The following TGFBR2 variants were observed in gnomAD, a reference collection of about 807,000 sequenced individuals.
TGFBR2 encodes TGF-beta receptor type-2.
Under a neutral mutation model 49.0 loss-of-function variants are expected in TGFBR2, and 18 were observed. That is an observed-to-expected ratio of 0.37 (90% CI 0.25 to 0.54). The LOEUF is 0.54. TGFBR2 is among the 20% of genes least tolerant of loss of function. TGFBR2 has a pLI of 0.85. For missense variants in TGFBR2, 525 were observed against 722.6 expected (o/e 0.73, Z 3.13); for synonymous variants, 282 against 275.9 (o/e 1.02, Z -0.22).
intron 5 of TGFBR2, among the ~76,000 whole-genome samples, chr3:30,675,819 A>G (rs899122320): frequency 1.8e-4 from 28 of 152,250 alleles, no homozygotes; most frequent in African/African-American, 6.8e-4. Flanking sequence ...TAGTATGGCT[A>G]TCAAAAACAG....
chr3:30,650,182 T>A, intron 2 of TGFBR2, 88 bp from the exon 3 acceptor site: 1 of 1,311,980 alleles, frequency 7.6e-7, no homozygotes, highest in Admixed American at 1.7e-5. Flanking sequence ...TATTCCAGAT[T>A]GCCTTTCTGT....
intron 1 of TGFBR2, among the ~76,000 whole-genome samples, chr3:30,636,311 A>T (rs992198366): frequency 6.6e-6 from 1 of 152,104 alleles, no homozygotes; most frequent in African/African-American, 2.4e-5. Context: ...GTCATTCTTG[A>T]CAGGTTTTAA....
chr3:30,691,545 G>C lies in TGFBR2; in HGVS notation c.1650G>C (p.Arg550Ser), dbSNP rs2125455649. 1.2e-6 allele frequency: 2 copies of C among 1,614,116 alleles called. No homozygotes were observed. The highest frequency in any genetic ancestry group is 1.7e-6 in the Non-Finnish European group (2 of 1,180,004). ...AGCATCTGGACAGGCTCTCGGGGAG[G>C]AGCTGCTCGGAGGAGAAGATTCCTG... ...ELEHLDRLSG[R>S]SCSEEKIPED... The change falls in exon 7 of 7, where the codon AGG becomes AGC. Residue 550 changes from arginine (R) to serine (S), a missense_variant. Physicochemically the swap from Arg to Ser is moderately radical, Grantham distance 110. Coordinates refer to ENST00000295754, the MANE Select transcript of TGFBR2 (RefSeq NM_003242.6).
chr3:30,646,765 T>C (rs759168934), intron 2 of TGFBR2, among the ~76,000 whole-genome samples: 12 of 152,194 alleles, frequency 7.9e-5, no homozygotes, highest in Non-Finnish European at 1.6e-4. Context: ...CTTAAATATC[T>C]ACGGTGGTGT....
At chr3:30,682,637 A>C (rs1037259798) in intron 5 of TGFBR2, among the ~76,000 whole-genome samples, 9 of 152,206 alleles carry the variant, frequency 5.9e-5, no homozygotes, top group Non-Finnish European at 2.9e-5. Flanking sequence ...AGCTAAAATG[A>C]GATTCTCATC....
intron 3 of TGFBR2, 105 bp from the exon 4 acceptor site, chr3:30,671,533 T>A: frequency 1.7e-6 from 2 of 1,157,826 alleles, no homozygotes; most frequent in Non-Finnish European, 2.6e-6. Context: ...CTACAAAAAC[T>A]ATGCAGATGC....
intron 1 of TGFBR2, among the ~76,000 whole-genome samples, chr3:30,612,395 G>C (rs566770149): frequency 1.3e-5 from 2 of 152,132 alleles, no homozygotes; most frequent in Non-Finnish European, 2.9e-5. Context: ...GTGTGTATGC[G>C]TGTGTTGGGA....
intron 5 of TGFBR2, among the ~76,000 whole-genome samples, chr3:30,687,891 A>G (rs1243134450): frequency 1.3e-5 from 2 of 152,204 alleles, no homozygotes; most frequent in Admixed American, 6.5e-5. Context: ...AGATTCATCC[A>G]TGTTGTAGCA....
intron 6 of TGFBR2, among the ~76,000 whole-genome samples, chr3:30,691,202 G>C (rs1263837981): frequency 6.6e-6 from 1 of 152,194 alleles, no homozygotes; most frequent in East Asian, 1.9e-4. Context: ...AAGTATGGTA[G>C]GTTTTGAGCA....
At position 30,623,820 on chromosome 3, in the gene TGFBR2, A is replaced by T. The variant is rs879419874; in HGVS notation, c.94+16843A>T. ...TTATCTTTGGCTTCCTTTCTCAGAA[A>T]TTCTTAAACATGAATGTCTGAATAA... is the stretch of plus-strand genomic sequence containing the variant. On this transcript the variant is annotated intron_variant, in intron 1 of 6. Coordinates refer to ENST00000295754, the MANE Select transcript of TGFBR2 (RefSeq NM_003242.6). 2.6e-5 allele frequency among the ~76,000 whole-genome samples: 4 copies of T among 152,208 alleles called. No individual in the cohort carries two copies. In the East Asian group the frequency reaches 7.7e-4, roughly 29 times the overall value.
Position 30,688,530 on chromosome 3 carries a change from C to A in TGFBR2, c.1524+19C>A, listed in dbSNP as rs200475245. ...CCACCAGGTAAGGAGTGAGTGTTTA[C>A]AAAGGTCAGTAAGATTCAACCAAGT... is the stretch of plus-strand genomic sequence containing the variant. On this transcript the variant is annotated intron_variant, in intron 6 of 6. Transcript: ENST00000295754. 15 of 1,614,018 alleles carry A rather than the reference C, an allele frequency of 9.3e-6. No homozygotes were observed. In the East Asian group the frequency reaches 3.3e-4, roughly 36 times the overall value.
At chr3:30,668,983 G>A (rs1651827558) in intron 3 of TGFBR2, among the ~76,000 whole-genome samples, 1 of 151,918 alleles carries the variant, frequency 6.6e-6, no homozygotes, top group Non-Finnish European at 1.5e-5. Flanking sequence ...TTAGATGAAA[G>A]TTTCAGATGC....
chr3:30,614,273 G>A (rs1473270480), intron 1 of TGFBR2, among the ~76,000 whole-genome samples: 2 of 151,858 alleles, frequency 1.3e-5, no homozygotes, highest in Non-Finnish European at 1.5e-5. Context: ...TTCTTCTCAA[G>A]CCTCTTTAAA....
At chr3:30,680,920 T>G (rs3773654) in intron 5 of TGFBR2, among the ~76,000 whole-genome samples, 120,033 of 151,910 alleles carry the variant, frequency 0.79, 47,646 homozygotes, top group African/African-American at 0.85. Context: ...GGAAGGCGGG[T>G]GAAGGCGGGT....
At chr3:30,640,855 G>A (rs1030474726) in intron 1 of TGFBR2, among the ~76,000 whole-genome samples, 7 of 152,170 alleles carry the variant, frequency 4.6e-5, no homozygotes, top group African/African-American at 1.4e-4. Flanking sequence ...GTTTTGTATC[G>A]TTGTTTAGAG....
intron 1 of TGFBR2, among the ~76,000 whole-genome samples, chr3:30,607,789 AAAAT>A (rs1205328585): frequency 3.0e-5 from 4 of 135,184 alleles, no homozygotes; most frequent in Admixed American, 7.1e-5. Context: ...GGAAAAAATA[AAAAT>A]AAAAAAATAT....
chr3:30,664,037 T>C (rs1054908565), intron 3 of TGFBR2, among the ~76,000 whole-genome samples: 3 of 151,962 alleles, frequency 2.0e-5, no homozygotes, highest in Non-Finnish European at 4.4e-5. Context: ...CAGGCTAAAA[T>C]GCAGTGGCAC....
intron 5 of TGFBR2, among the ~76,000 whole-genome samples, chr3:30,678,205 T>G (rs949034827): frequency 3.3e-5 from 5 of 152,082 alleles, no homozygotes; most frequent in African/African-American, 1.2e-4. Context: ...AGGCTTATGA[T>G]CTGACCCATC....
rs926724364 is a variant in TGFBR2 at position 30,676,733 on chromosome 3, C to T, written c.1396+2487C>T. Among the ~76,000 whole-genome samples the T allele has an allele frequency of 3.9e-5, 6 of 152,216 alleles. No individual in the cohort carries two copies. Among genetic ancestry groups the T allele is most frequent in the African/African-American group, 9.6e-5 (4 of 41,452 alleles). On this transcript the variant is annotated intron_variant, in intron 5 of 6. Transcript: ENST00000295754. This position sits in a 1 kb window ranked among gnomAD's most constrained non-coding sequence, Gnocchi z 4.3. ...CTCCAGCGTGGGTCCGGGTCACCCC[C>T]TCCCATCCTGCACCCTGCTGAACCT...
Sources: allele counts gnomAD v4.1 joint callset (sites outside exome capture counted in the v4.1 genomes callset), GRCh38; gene constraint gnomAD v4.1.1; non-coding constraint Gnocchi (gnomAD v3.1); transcripts MANE v1.5; gene names NCBI Gene and HGNC (gene_info 2026-07-23, HGNC 2026-07-21).